SCP2: variants seen among roughly 807,000 people sequenced by gnomAD.
The protein encoded by SCP2 is sterol carrier protein 2, also known as SCP-2/3-oxoacyl-CoA thiolase.
Under a neutral mutation model 71.4 loss-of-function variants are expected in SCP2, and 48 were observed. That is an observed-to-expected ratio of 0.67 (90% confidence interval 0.53 to 0.86). The LOEUF is 0.86. Ranked by LOEUF, SCP2 falls within the 40% of genes least tolerant of loss-of-function variation. The pLI, the probability that SCP2 is intolerant of heterozygous loss-of-function variation, is 0.00. For missense variants in SCP2, 560 were observed against 655.6 expected, an observed-to-expected ratio of 0.85 and a Z score of 1.59; for synonymous variants, 220 against 218.1, an observed-to-expected ratio of 1.01 and a Z score of -0.08.
intron 13 of SCP2, among the ~76,000 whole-genome samples, chr1:53,038,570 A>T (rs1011600829): frequency 6.6e-6 from 1 of 151,672 alleles, no homozygotes; most frequent in Non-Finnish European, 1.5e-5. Flanking sequence ...ATGCCTGGCT[A>T]ATTTTTTTAT....
At chr1:53,042,026 A>G (rs755830728) in intron 14 of SCP2, among the ~76,000 whole-genome samples, 3 of 152,128 alleles carry the variant, frequency 2.0e-5, no homozygotes, top group Non-Finnish European at 1.5e-5. Context: ...TGAGAGATGA[A>G]TGAAAGAAAA....
At chr1:52,940,949 C>T (rs190085153) in intron 1 of SCP2, among the ~76,000 whole-genome samples, 47 of 152,240 alleles carry the variant, frequency 3.1e-4, no homozygotes, top group African/African-American at 1.0e-3. Flanking sequence ...AGGGTTCTAC[C>T]ATGTTGGCCA....
chr1:52,961,375 G>A (rs1656429377), intron 5 of SCP2, 128 bp from the exon 6 acceptor site: 3 of 942,134 alleles, frequency 3.2e-6, no homozygotes, highest in Non-Finnish European at 5.0e-6. Flanking sequence ...TAACTGATTT[G>A]ATTCACATTG....
rs1345201244 is a variant in SCP2 at position 52,978,268 on chromosome 1, A to G, written c.726A>G (p.Val242=). 4 of 1,614,076 alleles carry G rather than the reference A, an allele frequency of 2.5e-6. No individual in the cohort carries two copies. The highest frequency in any genetic ancestry group is 1.3e-5 in the African/African-American group (1 of 75,062). ...CAATTTTGGCCAGTGAAGCATTTGT[A>G]CAGAAGTATGGCCTGCAATCCAAAG... ...AAAILASEAF[V]QKYGLQSKAV... Residue 242 remains valine (V), a synonymous_variant, in exon 9 of 16, where the codon GTA becomes GTG. Transcript: ENST00000371514.
chr1:52,968,409 C>T (rs57623375), intron 6 of SCP2, among the ~76,000 whole-genome samples: 4,748 of 152,096 alleles, frequency 0.031, 253 homozygotes, highest in African/African-American at 0.11. Flanking sequence ...CTTCCTGGTA[C>T]TTTCTTTTGG....
chr1:53,000,006 G>T (rs969747869), intron 11 of SCP2, among the ~76,000 whole-genome samples: 9 of 151,724 alleles, frequency 5.9e-5, no homozygotes, highest in African/African-American at 1.9e-4. Flanking sequence ...TAGTAGAGCT[G>T]GGGTTTCACT....
At position 52,983,693 on chromosome 1, in the gene SCP2, C is replaced by G. The variant is rs12026882; in HGVS notation, c.973+3150C>G. Among the ~76,000 whole-genome samples, 4,679 of 152,214 alleles carry G rather than the reference C, an allele frequency of 0.031. 355 individuals are homozygous for G. The East Asian group carries it at 0.32, about 11-fold the overall frequency. On this transcript the variant is annotated intron_variant, in intron 10 of 15. Transcript: ENST00000371514. ...ATAGTTTCTATTTCTCTGCTGAGAG[C>G]TTACATCTTTTTGTTCATTTCTAGT...
intron 5 of SCP2, among the ~76,000 whole-genome samples, chr1:52,958,212 T>C (rs915528957): frequency 3.3e-5 from 5 of 152,036 alleles, no homozygotes; most frequent in African/African-American, 1.2e-4. Context: ...TGTCAGTCCT[T>C]CTGTTGAATT....
At chr1:53,036,284 A>G (rs965274914) in intron 13 of SCP2, among the ~76,000 whole-genome samples, 4 of 149,300 alleles carry the variant, frequency 2.7e-5, no homozygotes, top group Non-Finnish European at 5.9e-5. Flanking sequence ...TATATATACT[A>G]TATTTTATTT....
chr1:53,006,806 A>G (rs1476001488), intron 11 of SCP2, among the ~76,000 whole-genome samples: 1 of 152,188 alleles, frequency 6.6e-6, no homozygotes, highest in Non-Finnish European at 1.5e-5. Context: ...TAAATGGGCT[A>G]AATGCTCCAA....
intron 1 of SCP2, among the ~76,000 whole-genome samples, chr1:52,932,543 C>T (rs1018254674): frequency 1.3e-5 from 2 of 152,148 alleles, no homozygotes; most frequent in African/African-American, 2.4e-5. Flanking sequence ...AACAGGGTAA[C>T]ATAGAATAGT....
Position 52,961,578 on chromosome 1 carries a change from G to C in SCP2, c.472G>C (p.Val158Leu). ...INKYGLSAHPVAPQMFGYAGK... is the reference protein window; with the variant it reads ...INKYGLSAHPLAPQMFGYAGK... ...TAAGTATGGATTGTCTGCTCACCCA[G>C]TTGCTCCTCAGATGTTTGGGTATGC... The change falls in exon 6 of 16, where the codon GTT becomes CTT. Residue 158 changes from valine to leucine, a missense_variant. By Grantham distance (32) the Val-to-Leu change is conservative. Coordinates refer to ENST00000371514, the MANE Select transcript of SCP2 (RefSeq NM_002979.5). The C allele has an allele frequency of 6.2e-7, 1 of 1,613,748 alleles. No individual in the cohort carries two copies. The highest frequency in any genetic ancestry group is 8.5e-7 in the Non-Finnish European group (1 of 1,179,750).
In SCP2 at chr1:52,941,793, T is replaced by C; in HGVS notation, c.70-3T>C. ...TATTTATTATCTCTTTCTATATCTCTAGTTTGTGAAGCCTGGAGCTGAGAA... is the reference window on the plus strand; with the variant it reads ...TATTTATTATCTCTTTCTATATCTCCAGTTTGTGAAGCCTGGAGCTGAGAA... On this transcript the variant is annotated splice_region_variant and splice_polypyrimidine_tract_variant and intron_variant, in intron 1 of 15. Transcript: ENST00000371514. 6.3e-7 allele frequency: 1 copy of C among 1,585,488 alleles called. No individual in the cohort carries two copies. Among genetic ancestry groups the C allele is most frequent in the Non-Finnish European group, 8.7e-7 (1 of 1,154,130 alleles).
chr1:53,002,099 G>T (rs1660352632), intron 11 of SCP2, among the ~76,000 whole-genome samples: 2 of 151,814 alleles, frequency 1.3e-5, no homozygotes, highest in Non-Finnish European at 2.9e-5. Context: ...CAGGAGAATG[G>T]CGTGAGCCTG....
At chr1:52,932,188 C>T (rs578056536) in intron 1 of SCP2, among the ~76,000 whole-genome samples, 53 of 151,976 alleles carry the variant, frequency 3.5e-4, no homozygotes, top group Non-Finnish European at 1.6e-4. Context: ...GAGAATTTTC[C>T]GAACTGAATT....
intron 11 of SCP2, chr1:52,995,379 TG>T: frequency 4.3e-6 from 2 of 465,906 alleles, no homozygotes; most frequent in Non-Finnish European, 8.6e-6. Flanking sequence ...CACCAAACTA[TG>T]GGGACTTGAA....
intron 1 of SCP2, chr1:52,940,530 T>G (rs1328944460): frequency 1.3e-5 from 2 of 154,534 alleles, no homozygotes; most frequent in African/African-American, 2.4e-5. Context: ...GCTCCATTAC[T>G]TATTAGCTCT....
At chr1:53,047,800 G>A in intron 14 of SCP2, 58 bp from the exon 15 acceptor site, 1 of 1,222,930 alleles carries the variant, frequency 8.2e-7, no homozygotes, top group Non-Finnish European at 1.2e-6. Context: ...TGACAAAAAT[G>A]TATATGTGAA....
rs191738035 is a variant in SCP2 at position 52,992,832 on chromosome 1, G to A, written c.1081+4696G>A. Among the ~76,000 whole-genome samples, 949 of 152,230 alleles carry A rather than the reference G, an allele frequency of 6.2e-3. 14 individuals are homozygous for A. The highest frequency in any genetic ancestry group is 0.022 in the African/African-American group (912 of 41,538). ...TCTATTTAGAGTAACAGTAGGCAGT[G>A]TGATTCCAAAAGTTAAAAATTATTT... On this transcript the variant is annotated intron_variant, in intron 11 of 15. Coordinates refer to ENST00000371514, the MANE Select transcript of SCP2 (RefSeq NM_002979.5).
Sources: allele counts gnomAD v4.1 joint callset (sites outside exome capture counted in the v4.1 genomes callset), GRCh38; gene constraint gnomAD v4.1.1; transcripts MANE v1.5; gene names NCBI Gene and HGNC (gene_info 2026-07-23, HGNC 2026-07-21).